The following U2AF2 variants were observed in gnomAD, a reference collection of about 807,000 sequenced individuals.
The protein encoded by U2AF2 is U2 small nuclear RNA auxiliary factor 2, also known as splicing factor U2AF 65 kDa subunit.
U2AF2 carries 6 observed loss-of-function variants against 52.6 expected under a neutral mutation model. The ratio of observed to expected loss-of-function variants is 0.11; its 90% confidence interval spans 0.06 to 0.23. The LOEUF (loss-of-function observed/expected upper bound fraction) is 0.23, where lower values mean the gene tolerates loss of function less well. U2AF2 is among the 10% of genes least tolerant of loss of function. The pLI, the probability that U2AF2 is intolerant of heterozygous loss-of-function variation, is 1.00. For synonymous variants in U2AF2, 284 were observed against 258.2 expected (o/e 1.10, Z -0.96); for missense variants, 222 against 677.1 (o/e 0.33, Z 7.46).
intron 11 of U2AF2, among the ~76,000 whole-genome samples, chr19:55,670,290 C>T (rs1330189149): frequency 6.6e-6 from 1 of 152,100 alleles, no homozygotes; most frequent in Admixed American, 6.5e-5. Flanking sequence ...AATCACCTCA[C>T]CTCTCTGCCT....
At chr19:55,657,759 C>T (rs868279649) in intron 1 of U2AF2, among the ~76,000 whole-genome samples, 1 of 152,178 alleles carries the variant, frequency 6.6e-6, no homozygotes, top group Non-Finnish European at 1.5e-5. Context: ...GATCCACATT[C>T]GAGAGTATGG....
rs895714506 is a variant in U2AF2 at position 55,669,818 on chromosome 19, C to T, written c.1293+126C>T. ...TTCTCCGCGCGCTCTTTCTTCCTCT[C>T]TCTCTCCTCTCGCAGCGCGTGCGTA... On this transcript the variant is annotated intron_variant, in intron 11 of 11. Coordinates refer to ENST00000308924, the MANE Select transcript of U2AF2 (RefSeq NM_007279.3). 2.9e-6 allele frequency: 4 copies of T among 1,368,640 alleles called. No individual in the cohort carries two copies. In the African/African-American group the frequency reaches 4.4e-5, roughly 15 times the overall value. The allele number at this position is 1,368,640 out of a possible 1,614,324, so 84.8% of individuals were successfully genotyped here. A position where few individuals can be genotyped will look rare whatever the true frequency, so the allele number is the denominator to read the frequency against.
At chr19:55,671,927 C>G (rs1568556045) in intron 11 of U2AF2, 2 of 152,122 alleles carry the variant, frequency 1.3e-5, no homozygotes, top group African/African-American at 4.8e-5. Flanking sequence ...GAGTTGGAGA[C>G]CAGCCTGGCC....
chr19:55,656,586 ACT>A (rs1202569698), intron 1 of U2AF2, among the ~76,000 whole-genome samples: 1 of 152,180 alleles, frequency 6.6e-6, no homozygotes, highest in Non-Finnish European at 1.5e-5. Flanking sequence ...ATGTAGTTAA[ACT>A]CTGAGCGCTT....
chr19:55,658,119 C>T (rs1021049337), intron 1 of U2AF2, among the ~76,000 whole-genome samples: 1 of 152,130 alleles, frequency 6.6e-6, no homozygotes, highest in African/African-American at 2.4e-5. Flanking sequence ...AGTTTAACAT[C>T]CTCCCTCAGT....
At position 55,662,668 on chromosome 19, in the gene U2AF2, C is replaced by T. The variant is rs377097809; in HGVS notation, c.603+50C>T. Reference sequence around the variant, plus strand: ...CCAGGAAACGTGTGTGATGTGAGGGCCCAGCCCTTAGGCTGATGTTGTGTG... The same window carrying T: ...CCAGGAAACGTGTGTGATGTGAGGGTCCAGCCCTTAGGCTGATGTTGTGTG... On this transcript the variant is annotated intron_variant, in intron 6 of 11. Coordinates refer to ENST00000308924, the MANE Select transcript of U2AF2 (RefSeq NM_007279.3). 162 of 1,524,088 alleles carry T rather than the reference C, an allele frequency of 1.1e-4. No homozygotes were observed. The African/African-American group carries it at 1.8e-3, about 17-fold the overall frequency. 94.4% of individuals were successfully genotyped at this position (1,524,088 alleles called of 1,614,324 possible).
rs1984692170 is a variant in U2AF2 at position 55,668,646 on chromosome 19, C to A, written c.823-24C>A. The A allele has an allele frequency of 2.5e-6, 4 of 1,606,762 alleles. No homozygotes were observed. The stretch of plus-strand genomic sequence containing the variant: ...CACCCCGCCCCACCTCATCCCAGCC[C>A]TGATGGACTCTCGGCTACTGCAGGT... On this transcript the variant is annotated intron_variant, in intron 8 of 11. Coordinates refer to ENST00000308924, the MANE Select transcript of U2AF2 (RefSeq NM_007279.3). This position sits in a 1 kb window ranked among gnomAD's most constrained non-coding sequence, Gnocchi z 5.5.
At chr19:55,665,154 C>G (rs1476555225) in intron 7 of U2AF2, among the ~76,000 whole-genome samples, 6 of 152,220 alleles carry the variant, frequency 3.9e-5, no homozygotes, top group Admixed American at 6.5e-5. Flanking sequence ...AATGTCTTCC[C>G]CACGTCTCTT....
At chr19:55,667,947 C>T (rs1041519872) in intron 7 of U2AF2, among the ~76,000 whole-genome samples, 5 of 152,046 alleles carry the variant, frequency 3.3e-5, no homozygotes, top group East Asian at 3.9e-4. Flanking sequence ...TACCACAGCC[C>T]GCTAATTTTT....
chr19:55,655,059 C>T lies in U2AF2; in HGVS notation c.-46C>T, dbSNP rs1376612426. 8.7e-6 allele frequency: 14 copies of T among 1,601,348 alleles called. No individual in the cohort carries two copies. The Admixed American group carries it at 1.9e-4, about 21-fold the overall frequency. ...TAGCCGAAGCGGCTGGAGCGGGCGG[C>T]AAGGCGAGGCGAAAGCTGCACAGGG... On this transcript the variant is annotated 5_prime_UTR_variant, in exon 1 of 12. Coordinates refer to ENST00000308924, the MANE Select transcript of U2AF2 (RefSeq NM_007279.3).
chr19:55,672,369 C>T (rs894865494), intron 11 of U2AF2, among the ~76,000 whole-genome samples: 8 of 151,962 alleles, frequency 5.3e-5, no homozygotes, highest in Non-Finnish European at 1.2e-4. Flanking sequence ...TATTTTAAGG[C>T]TTATCAGGTT....
chr19:55,670,685 G>A, intron 11 of U2AF2: 1 of 229,368 alleles, frequency 4.4e-6, no homozygotes, highest in Non-Finnish European at 8.8e-6. Flanking sequence ...TGGGGCCAGG[G>A]CTGAGTGGCA....
intron 7 of U2AF2, among the ~76,000 whole-genome samples, chr19:55,666,916 CTG>C (rs1260137741): frequency 6.6e-6 from 1 of 152,216 alleles, no homozygotes; most frequent in Non-Finnish European, 1.5e-5. Context: ...TTTTTCCTGC[CTG>C]TGTGTCTTTG....
rs563515285 is a variant in U2AF2, at chr19:55,658,496, G to A, written c.50-714G>A. ...ACCCGCCCCTACTCACGCCTTTACA[G>A]TCTCTTCAGTACTTGGCTTTGAAGG... On this transcript the variant is annotated intron_variant, in intron 1 of 11. Transcript: ENST00000308924. Among the ~76,000 whole-genome samples, 13 of 152,264 alleles carry A rather than the reference G, an allele frequency of 8.5e-5. No individual in the cohort carries two copies. The East Asian group carries it at 1.7e-3, about 20-fold the overall frequency.
chr19:55,659,536 G>T (rs1984024569), intron 2 of U2AF2, among the ~76,000 whole-genome samples, 191 bp downstream of exon 2: 1 of 151,950 alleles, frequency 6.6e-6, no homozygotes, highest in African/African-American at 2.4e-5. Flanking sequence ...CCCGTTTCTG[G>T]GGTTTCTTTC....
At chr19:55,655,290 C>A in intron 1 of U2AF2, 137 bp downstream of exon 1, 5 of 970,386 alleles carry the variant, frequency 5.2e-6, no homozygotes, top group Non-Finnish European at 4.4e-6. Flanking sequence ...GTGGCGCGCG[C>A]CTCGTTCACG....
At position 55,673,993 on chromosome 19, in the gene U2AF2, C is replaced by A; in HGVS notation, c.1353C>A (p.Gly451=). 5 of 1,614,104 alleles carry A rather than the reference C, an allele frequency of 3.1e-6. No individual in the cohort carries two copies. Among genetic ancestry groups the A allele is most frequent in the Non-Finnish European group, 4.2e-6 (5 of 1,179,988 alleles). Residue 451 remains glycine, a synonymous_variant, in exon 12 of 12, where the codon GGC becomes GGA. Coordinates refer to ENST00000308924, the MANE Select transcript of U2AF2 (RefSeq NM_007279.3). ...DCQKAMQGLT[G]RKFANRVVVT... is the part of the protein sequence containing the mutation. ...AGAAAGCCATGCAGGGCCTGACGGGCCGCAAGTTCGCCAACAGAGTGGTTG... is the reference window on the plus strand; with the variant it reads ...AGAAAGCCATGCAGGGCCTGACGGGACGCAAGTTCGCCAACAGAGTGGTTG...
chr19:55,666,812 G>T (rs1430375083), intron 7 of U2AF2, among the ~76,000 whole-genome samples: 3 of 152,228 alleles, frequency 2.0e-5, no homozygotes, highest in Non-Finnish European at 2.9e-5. Flanking sequence ...TGAGCTTCCA[G>T]TGTGACCCAT....
chr19:55,658,933 A>C, intron 1 of U2AF2: 1 of 374,488 alleles, frequency 2.7e-6, no homozygotes. Flanking sequence ...ACCAGGAGCC[A>C]GCCTCCTCTG....
Sources: gnomAD v4.1 joint callset for allele counts (sites outside exome capture counted in the v4.1 genomes callset) on GRCh38, gnomAD v4.1.1 for gene constraint, Gnocchi (gnomAD v3.1) non-coding constraint, MANE v1.5 for transcripts, NCBI Gene and HGNC (gene_info 2026-07-23, HGNC 2026-07-21) for gene names.